Variants in ZNF646 observed in about 807,000 individuals in gnomAD.
ZNF646 encodes zinc finger protein 646.
ZNF646 carries 49 observed loss-of-function variants against 115.4 expected under a neutral mutation model. That is an observed-to-expected ratio of 0.42 (90% CI 0.34 to 0.54). ZNF646 has a LOEUF of 0.54. ZNF646 is among the 20% of genes least tolerant of loss of function. The pLI, the probability that ZNF646 is intolerant of heterozygous loss-of-function variation, is 0.04. For synonymous variants in ZNF646, 933 were observed against 939.0 expected (o/e 0.99, Z 0.12); for missense variants, 2,269 against 2,457.9 (o/e 0.92, Z 1.62).
upstream of ZNF646, chr16:31,072,761 GAC>G (rs1158347251): frequency 6.6e-6 from 1 of 152,404 alleles, no homozygotes; most frequent in African/African-American, 2.4e-5. Context: ...CAGCTCCAGC[GAC>G]AGAGTCCTCC....
At position 31,083,109 on chromosome 16, in the gene ZNF646, G is replaced by T. The variant is rs554752165; in HGVS notation, c.*17G>T. On this transcript the variant is annotated 3_prime_UTR_variant, in exon 3 of 3. Transcript: ENST00000300850. The stretch of plus-strand genomic sequence containing the variant: ...TCCCTCTGAACTTCAAGTCTCCAAA[G>T]ATCAGAATCTGGGGGAGGGAGCGCG... The T allele has an allele frequency of 2.4e-5, 39 of 1,600,242 alleles. No homozygotes were observed. The East Asian group carries it at 8.8e-4, about 36-fold the overall frequency.
chr16:31,079,501 G>A lies in ZNF646; in HGVS notation c.3177G>A (p.Lys1059=). The A allele has an allele frequency of 6.2e-7, 1 of 1,613,696 alleles. No individual in the cohort carries two copies. Among genetic ancestry groups the A allele is most frequent in the Non-Finnish European group, 8.5e-7 (1 of 1,180,012 alleles). ...PRPFRCNQCG[K]TYRHGGSLVN... The stretch of plus-strand genomic sequence containing the variant: ...CCTTCCGCTGCAACCAGTGTGGCAA[G>A]ACCTATCGCCATGGGGGCAGCCTGG... The change falls in exon 2 of 3, where the codon AAG becomes AAA. Residue 1059 remains lysine (K), a synonymous_variant. Transcript: ENST00000300850. The surrounding 1 kb of genome is among the most constrained non-coding windows in gnomAD (Gnocchi z 5.5).
intron 2 of ZNF646, chr16:31,082,007 A>C: frequency 2.2e-6 from 1 of 451,818 alleles, no homozygotes; most frequent in East Asian, 3.4e-5. Context: ...TGTTCAGGGG[A>C]AGGTCACTGG....
rs17641067 is a variant in ZNF646 at position 31,078,646 on chromosome 16, C to G, written c.2322C>G (p.Ile774Met). Residue 774 changes from isoleucine (I) to methionine (M), a missense_variant, in exon 2 of 3, where the codon ATC becomes ATG. Ile to Met is a conservative substitution (Grantham distance 10). Around this residue, in one of 5 missense-constraint regions of ZNF646, gnomAD observed 852 missense variants for 900.2 expected, o/e 0.95. Transcript: ENST00000300850. ...CCAGTTTACTTGACAACTTGGACAT[C>G]CCAGGTGAGGAAGGTGGTGGCACTC... The part of the protein sequence containing the change: ...KDASLLDNLD[I>M]PGEEGGGTHF... 5.6e-5 allele frequency: 91 copies of G among 1,614,146 alleles called. No homozygotes were observed. The South Asian group carries it at 9.6e-4, about 17-fold the overall frequency.
rs766898266 is a variant in ZNF646 at position 31,080,132 on chromosome 16, C to G, written c.3808C>G (p.Arg1270Gly). 28 of 1,612,634 alleles carry G rather than the reference C, an allele frequency of 1.7e-5. No homozygotes were observed. Among genetic ancestry groups the G allele is most frequent in the Non-Finnish European group, 2.2e-5 (26 of 1,179,762 alleles). Reference sequence around the variant, plus strand: ...CGAGTGTGGGAAGGCCTTCCGCCTGCGGAAACAGCTGGCCAGCCACCAGCG... The same window carrying G: ...CGAGTGTGGGAAGGCCTTCCGCCTGGGGAAACAGCTGGCCAGCCACCAGCG... ...CSECGKAFRL[R>G]KQLASHQRVH... is the part of the protein sequence containing the mutation. Residue 1270 changes from arginine (R) to glycine (G), a missense_variant, in exon 2 of 3, where the codon CGG (arginine) becomes GGG (glycine). This residue lies in a region of ZNF646 where 1,062 missense variants were observed against 1,172.8 expected (regional missense o/e 0.91). Coordinates refer to ENST00000300850, the MANE Select transcript of ZNF646 (RefSeq NM_014699.4).
rs2057133352 is a variant in ZNF646, at chr16:31,080,008, C to G, written c.3684C>G (p.Gly1228=). Residue 1228 remains glycine, a synonymous_variant, in exon 2 of 3, where the codon GGC becomes GGG. Transcript: ENST00000300850. ...ACCACCGGCAGAGCCACCAGACCGG[C>G]CACTTTGGCTGTCAGGCCTGCTCCA... ...LINHRQSHQT[G]HFGCQACSKG... 6.2e-7 allele frequency: 1 copy of G among 1,605,088 alleles called. No homozygotes were observed.
At position 31,077,711 on chromosome 16, in the gene ZNF646, C is replaced by T. The variant is rs372623067; in HGVS notation, c.1387C>T (p.Arg463Trp). The T allele has an allele frequency of 1.7e-5, 27 of 1,613,926 alleles. No homozygotes were observed. Among genetic ancestry groups the T allele is most frequent in the African/African-American group, 2.7e-5 (2 of 74,948 alleles). ...GGACCCCACCACCACCCTGGACCAT[C>T]GGCCCTATAAGTGCAGTGAGTGTGG... The part of the protein sequence containing the change: ...EEDPTTTLDH[R>W]PYKCSECGRA... The change falls in exon 2 of 3, where the codon CGG (arginine) becomes TGG (tryptophan). Residue 463 changes from arginine (R) to tryptophan (W), a missense_variant. Coordinates refer to ENST00000300850, the MANE Select transcript of ZNF646 (RefSeq NM_014699.4).
chr16:31,075,197 A>G (rs2057061205), intron 1 of ZNF646, among the ~76,000 whole-genome samples: 1 of 152,190 alleles, frequency 6.6e-6, no homozygotes, highest in South Asian at 2.1e-4. Flanking sequence ...AAAGGTAGGC[A>G]ATGAAGTGAC....
chr16:31,079,792 T>TA lies in ZNF646; in HGVS notation c.3471dup (p.Val1158SerfsTer39), dbSNP rs1480036584. 2 of 1,612,696 alleles carry TA rather than the reference T, an allele frequency of 1.2e-6. No individual in the cohort carries two copies. The highest frequency in any genetic ancestry group is 2.2e-5 in the East Asian group (1 of 44,806). ...AAGTCGAGAAGCTCCAGGAAGAACTTAAAGTGGAGCCCCTGGAGGAAGTGG... is the reference window on the plus strand; with the variant it reads ...AAGTCGAGAAGCTCCAGGAAGAACTTAAAAGTGGAGCCCCTGGAGGAAGTGG... On this transcript the variant is annotated frameshift_variant, in exon 2 of 3. Coordinates refer to ENST00000300850, the MANE Select transcript of ZNF646 (RefSeq NM_014699.4). LOFTEE classifies it high-confidence loss of function. The surrounding 1 kb of genome is among the most constrained non-coding windows in gnomAD (Gnocchi z 5.5).
Position 31,077,303 on chromosome 16 carries a change from G to C in ZNF646, c.979G>C (p.Glu327Gln), listed in dbSNP as rs1156272040. Residue 327 changes from glutamate to glutamine, a missense_variant, in exon 2 of 3, where the codon GAG becomes CAG. This residue lies in a region of ZNF646 where 852 missense variants were observed against 900.2 expected (regional missense o/e 0.95). Coordinates refer to ENST00000300850, the MANE Select transcript of ZNF646 (RefSeq NM_014699.4). ...TGAAAGGCAGGAGCCACGCTGGGAG[G>C]AGAAAGGGATGCCCACCACCAATGG... is the stretch of plus-strand genomic sequence containing the variant. Reference protein sequence around the residue: ...EGERQEPRWEEKGMPTTNGHT... With the variant: ...EGERQEPRWEQKGMPTTNGHT... The C allele has an allele frequency of 3.7e-6, 6 of 1,613,768 alleles. No homozygotes were observed. In the Admixed American group the frequency reaches 1.0e-4, roughly 27 times the overall value.
upstream of ZNF646, chr16:31,072,891 T>G (rs1241550561): frequency 1.3e-5 from 2 of 152,258 alleles, no homozygotes; most frequent in African/African-American, 4.8e-5. Flanking sequence ...TTTACATCCT[T>G]CAAGAACCCC....
chr16:31,078,164 C>G lies in ZNF646; in HGVS notation c.1840C>G (p.Pro614Ala), dbSNP rs778892870. 1.2e-6 allele frequency: 2 copies of G among 1,614,052 alleles called. No homozygotes were observed. Among genetic ancestry groups the G allele is most frequent in the South Asian group, 2.2e-5 (2 of 91,086 alleles). ...CAGAACAGAGACCACAATGTCACCTCCTAGGGCCTTTGCCTGCCGAGACTG... is the reference window on the plus strand; with the variant it reads ...CAGAACAGAGACCACAATGTCACCTGCTAGGGCCTTTGCCTGCCGAGACTG... ...NSRTETTMSP[P>A]RAFACRDCGK... Residue 614 changes from proline (P) to alanine (A), a missense_variant, in exon 2 of 3, where the codon CCT becomes GCT. By Grantham distance (27) the Pro-to-Ala change is conservative. This residue lies in a region of ZNF646 where 852 missense variants were observed against 900.2 expected (regional missense o/e 0.95). Coordinates refer to ENST00000300850, the MANE Select transcript of ZNF646 (RefSeq NM_014699.4).
intron 2 of ZNF646, chr16:31,082,660 A>C: frequency 2.6e-6 from 1 of 383,992 alleles, no homozygotes; most frequent in Non-Finnish European, 4.9e-6. Flanking sequence ...CATTCCATCT[A>C]GTGGCCACCG....
Position 31,076,602 on chromosome 16 carries a change from A to G in ZNF646, c.278A>G (p.His93Arg), listed in dbSNP as rs1161051925. The G allele has an allele frequency of 2.5e-6, 4 of 1,613,124 alleles. No individual in the cohort carries two copies. Among genetic ancestry groups the G allele is most frequent in the South Asian group, 1.1e-5 (1 of 91,060 alleles). ...TCCAATCCCATGGCTCTCAAGAGCCATATGAGGACACATGCTCCTGAGGGC... is the reference window on the plus strand; with the variant it reads ...TCCAATCCCATGGCTCTCAAGAGCCGTATGAGGACACATGCTCCTGAGGGC... The part of the protein sequence containing the change: ...DFSNPMALKS[H>R]MRTHAPEGRR... The change falls in exon 2 of 3, where the codon CAT (histidine) becomes CGT (arginine). Residue 93 changes from histidine (H) to arginine (R), a missense_variant. Physicochemically the swap from His to Arg is conservative, Grantham distance 29. This residue lies in a region of ZNF646 where 334 missense variants were observed against 323.5 expected (regional missense o/e 1.03). Transcript: ENST00000300850.
rs752558556 is a variant in ZNF646, at chr16:31,080,435, C to T, written c.4111C>T (p.Arg1371Cys). ...AGCTGTGCGTTGCGCCCTCTGTGGC[C>T]GCAGCTTCCCTGGCCGGGGATCTTT... ...RTAVRCALCG[R>C]SFPGRGSLER... Residue 1371 changes from arginine (R) to cysteine (C), a missense_variant, in exon 2 of 3, where the codon CGC becomes TGC. Coordinates refer to ENST00000300850, the MANE Select transcript of ZNF646 (RefSeq NM_014699.4). 30 of 1,613,112 alleles carry T rather than the reference C, an allele frequency of 1.9e-5. No individual in the cohort carries two copies. Among genetic ancestry groups the T allele is most frequent in the Admixed American group, 5.0e-5 (3 of 60,000 alleles).
chr16:31,076,313 C>A lies in ZNF646; in HGVS notation c.-12C>A. 1 of 1,593,616 alleles carries A rather than the reference C, an allele frequency of 6.3e-7. No homozygotes were observed. ...CTCCTTCTGAACCTCCAGGTTTCTG[C>A]TACGTTGCCCCATGGAGGACACACC... On this transcript the variant is annotated 5_prime_UTR_variant, in exon 2 of 3. Transcript: ENST00000300850.
Position 31,078,019 on chromosome 16 carries a change from C to T in ZNF646, c.1695C>T (p.Ile565=). 2 of 1,614,162 alleles carry T rather than the reference C, an allele frequency of 1.2e-6. No individual in the cohort carries two copies. Among genetic ancestry groups the T allele is most frequent in the South Asian group, 2.2e-5 (2 of 91,086 alleles). ...VCKHEEEATD[I]TPAADKTAAH... ...AACATGAAGAAGAGGCCACGGACAT[C>T]ACCCCAGCAGCAGACAAGACAGCAG... The change falls in exon 2 of 3, where the codon ATC becomes ATT. Residue 565 remains isoleucine, a synonymous_variant. Transcript: ENST00000300850.
In ZNF646 at chr16:31,077,416, G is replaced by A. The variant is rs1567406737; in HGVS notation, c.1092G>A (p.Glu364=). ...SAELSTSGEL[E]DSGLEEYRPF... ...AGCTCAGCACCTCTGGGGAGCTGGA[G>A]GACAGTGGCCTGGAGGAATACCGGC... The change falls in exon 2 of 3, where the codon GAG becomes GAA. Residue 364 remains glutamate, a synonymous_variant. Transcript: ENST00000300850. The A allele has an allele frequency of 6.2e-7, 1 of 1,613,066 alleles. No homozygotes were observed. Among genetic ancestry groups the A allele is most frequent in the Non-Finnish European group, 8.5e-7 (1 of 1,179,782 alleles).
chr16:31,083,859 T>TGCCCCCCC lies in ZNF646; in HGVS notation c.*767_*768insGCCCCCCC. ...GTTGTCCTCATCCTCACGGCTTTGG[T>TGCCCCCCC]CCCTCCCTCCCTCCCCATTCCTCGA... On this transcript the variant is annotated 3_prime_UTR_variant, in exon 3 of 3. Transcript: ENST00000300850. 1 of 1,590,054 alleles carries TGCCCCCCC rather than the reference T, an allele frequency of 6.3e-7. No individual in the cohort carries two copies. The highest frequency in any genetic ancestry group is 1.1e-5 in the South Asian group (1 of 89,402).
Sources: gnomAD v4.1 joint callset for allele counts (sites outside exome capture counted in the v4.1 genomes callset) on GRCh38, gnomAD v4.1.1 for gene constraint, gnomAD v4.1.1 regional missense constraint, Gnocchi (gnomAD v3.1) non-coding constraint, MANE v1.5 for transcripts, NCBI Gene and HGNC (gene_info 2026-07-23, HGNC 2026-07-21) for gene names.